Variants in DNAH3 observed in about 807,000 individuals in gnomAD.
DNAH3 encodes dynein axonemal heavy chain 3.
DNAH3 carries 332 observed loss-of-function variants against 432.5 expected under a neutral mutation model. The observed-to-expected ratio is 0.77, with a 90% confidence interval of 0.70 to 0.84. The LOEUF is 0.84. DNAH3 is among the 40% of genes least tolerant of loss of function. DNAH3 has a pLI of 0.00. For synonymous variants in DNAH3, 1,956 were observed against 1,900.2 expected (o/e 1.03, Z -0.76); for missense variants, 4,861 against 5,114.0 (o/e 0.95, Z 1.51).
At chr16:21,070,535 G>A (rs753810182) in intron 22 of DNAH3, among the ~76,000 whole-genome samples, 175 bp downstream of exon 22, 9 of 152,018 alleles carry the variant, frequency 5.9e-5, no homozygotes, top group South Asian at 2.1e-4. Context: ...TGCCCGCCTC[G>A]GCCTCCCAAA....
intron 37 of DNAH3, 25 bp downstream of exon 37, chr16:21,031,020 A>G: frequency 6.2e-7 from 1 of 1,611,458 alleles, no homozygotes; most frequent in Non-Finnish European, 8.5e-7. Flanking sequence ...ACTCATGGAA[A>G]AGTCATATCA....
At chr16:21,114,057 GA>G (rs1412976704) in intron 12 of DNAH3, among the ~76,000 whole-genome samples, 2 of 152,178 alleles carry the variant, frequency 1.3e-5, no homozygotes, top group East Asian at 3.9e-4. Context: ...AACAATAACT[GA>G]AAATAAAATG....
intron 25 of DNAH3, 71 bp downstream of exon 25, chr16:21,062,411 T>A: frequency 3.0e-6 from 4 of 1,319,568 alleles, no homozygotes; most frequent in Non-Finnish European, 4.3e-6. Context: ...TTAGTCCCAG[T>A]GCTTAGCCAA....
chr16:20,987,817 G>A (rs200195828), exon 46 of DNAH3: 49 of 1,614,112 alleles, frequency 3.0e-5, no homozygotes, highest in Middle Eastern at 1.6e-4. Context: ...TCTATAAATT[G>A]TCTTAGTAGC....
intron 1 of DNAH3, among the ~76,000 whole-genome samples, chr16:21,154,742 T>G (rs1430131894): frequency 6.6e-6 from 1 of 152,196 alleles, no homozygotes; most frequent in African/African-American, 2.4e-5. Flanking sequence ...TGAACTTGGT[T>G]ATGAAATCTG....
chr16:21,071,293 C>T (rs969025241), intron 21 of DNAH3, among the ~76,000 whole-genome samples: 9 of 152,058 alleles, frequency 5.9e-5, no homozygotes, highest in African/African-American at 1.9e-4. Flanking sequence ...CCACCCGCCT[C>T]GGCCTCCCAA....
chr16:21,076,980 A>C (rs1341433985), intron 20 of DNAH3, among the ~76,000 whole-genome samples: 1 of 152,122 alleles, frequency 6.6e-6, no homozygotes, highest in East Asian at 1.9e-4. Flanking sequence ...CACCAGCAGC[A>C]GACTCCCCAG....
rs1300960469 is a variant in DNAH3, at chr16:20,963,622, G to A, written c.10262C>T (p.Ala3421Val). 3.7e-6 allele frequency: 6 copies of A among 1,614,000 alleles called. No individual in the cohort carries two copies. Among genetic ancestry groups the A allele is most frequent in the Non-Finnish European group, 5.1e-6 (6 of 1,180,008 alleles). ...TAAGGCAGATGCACGGACAATCTCT[G>A]CCCATGCCTTCTCAGACAGCCATTG... The change falls in exon 53 of 62, where the codon GCA becomes GTA. Residue 3421 changes from alanine (A) to valine (V), a missense_variant. Ala to Val is a moderately conservative substitution (Grantham distance 64). Coordinates refer to ENST00000261383, the Ensembl canonical transcript of DNAH3.
At position 20,987,846 on chromosome 16, in the gene DNAH3, G is replaced by T; in HGVS notation, c.6729C>A (p.Tyr2243Ter). The T allele has an allele frequency of 6.2e-7, 1 of 1,614,070 alleles. No homozygotes were observed. Residue 2243 changes from tyrosine to a stop codon, truncating the protein, a stop_gained, in exon 46 of 62, where the codon TAC becomes TAA. Transcript: ENST00000261383. LOFTEE classifies it high-confidence loss of function. ...TAGTAGCTTGGACCAGCATCTTTCC[G>T]TACCTTGGGAGGAAAGGGATGGCAC...
chr16:21,048,622 GA>G (rs576940028), intron 31 of DNAH3, among the ~76,000 whole-genome samples: 68 of 152,082 alleles, frequency 4.5e-4, no homozygotes, highest in Non-Finnish European at 9.1e-4. Context: ...TGGAAATGCA[GA>G]AATCACCCGT....
chr16:21,092,912 TA>T (rs369010042), intron 18 of DNAH3, among the ~76,000 whole-genome samples: 1 of 151,984 alleles, frequency 6.6e-6, no homozygotes, highest in African/African-American at 2.4e-5. Flanking sequence ...AACTACAAAT[TA>T]AAAAACAATG....
chr16:21,071,872 C>T (rs2090796087), intron 21 of DNAH3, among the ~76,000 whole-genome samples: 1 of 152,142 alleles, frequency 6.6e-6, no homozygotes, highest in Non-Finnish European at 1.5e-5. Context: ...GCTTTCCTGG[C>T]TCTCCTTTCC....
rs762594474 is a variant in DNAH3, at chr16:21,134,444, G to A, written c.897C>T (p.Ile299=). Residue 299 remains isoleucine (I), a synonymous_variant, in exon 7 of 62, where the codon ATC becomes ATT. Coordinates refer to ENST00000261383, the Ensembl canonical transcript of DNAH3. ...GTTTTCTCTCCATTGGGTCCATGAGGATGTAATCAACTACAACCGGAAAGG... is the reference window on the plus strand; with the variant it reads ...GTTTTCTCTCCATTGGGTCCATGAGAATGTAATCAACTACAACCGGAAAGG... The A allele has an allele frequency of 6.2e-6, 10 of 1,613,626 alleles. No homozygotes were observed. In the Admixed American group the frequency reaches 1.3e-4, roughly 22 times the overall value.
chr16:20,990,400 TAAC>T (rs1287700811), intron 44 of DNAH3, among the ~76,000 whole-genome samples: 1 of 152,224 alleles, frequency 6.6e-6, no homozygotes, highest in East Asian at 1.9e-4. Flanking sequence ...ATCCCAATAA[TAAC>T]TCACATATTG....
At position 20,987,850 on chromosome 16, in the gene DNAH3, C is replaced by T. The variant is rs1452717947; in HGVS notation, c.6726-1G>A. ...AGCTTGGACCAGCATCTTTCCGTAC[C>T]TTGGGAGGAAAGGGATGGCACAGTA... On this transcript the variant is annotated splice_acceptor_variant, in intron 45 of 61. Coordinates refer to ENST00000261383, the Ensembl canonical transcript of DNAH3. LOFTEE classifies it high-confidence loss of function. 18 of 1,614,108 alleles carry T rather than the reference C, an allele frequency of 1.1e-5. No individual in the cohort carries two copies. The highest frequency in any genetic ancestry group is 1.4e-5 in the Non-Finnish European group (17 of 1,180,018).
rs564485204 is a variant in DNAH3, at chr16:21,096,773, T to C, written c.2665+582A>G. Among the ~76,000 whole-genome samples, 5 of 152,318 alleles carry C rather than the reference T, an allele frequency of 3.3e-5. No individual in the cohort carries two copies. The South Asian group carries it at 6.2e-4, about 19-fold the overall frequency. ...TCTGGAAGTTGGTTCTTTGCTGTTA[T>C]TATCCTCACTCATCCCTGAAGTAAG... On this transcript the variant is annotated intron_variant, in intron 18 of 61. Transcript: ENST00000261383.
At chr16:21,154,127 G>A (rs1314888510) in intron 1 of DNAH3, among the ~76,000 whole-genome samples, 1 of 152,228 alleles carries the variant, frequency 6.6e-6, no homozygotes, top group East Asian at 1.9e-4. Flanking sequence ...AATGGGGCCA[G>A]GCGCGGTGGC....
At chr16:21,024,563 C>A in intron 39 of DNAH3, 33 bp downstream of exon 39, 2 of 1,491,216 alleles carry the variant, frequency 1.3e-6, no homozygotes. Context: ...AGGGAGACAG[C>A]AGGAGGGGAA....
At chr16:20,959,310 C>A in exon 54 of DNAH3, 1 of 1,614,200 alleles carries the variant, frequency 6.2e-7, no homozygotes, top group South Asian at 1.1e-5. Flanking sequence ...CATTGTTGAT[C>A]ATTTTGGCAG....
Sources: gnomAD v4.1 joint callset for allele counts (sites outside exome capture counted in the v4.1 genomes callset) on GRCh38, gnomAD v4.1.1 for gene constraint, MANE v1.5 for transcripts, NCBI Gene and HGNC (gene_info 2026-07-23, HGNC 2026-07-21) for gene names.